Variants in PM20D1 observed in about 807,000 individuals in gnomAD.
The protein encoded by PM20D1 is N-fatty-acyl-amino acid synthase/hydrolase PM20D1.
In PM20D1, 53 loss-of-function variants were observed where a neutral mutation model predicts 53.8. The observed-to-expected ratio is 0.98, with a 90% CI of 0.79 to 1.24. The LOEUF (loss-of-function observed/expected upper bound fraction) is 1.24, where lower values mean the gene tolerates loss of function less well. Ranked by LOEUF, PM20D1 falls within the 50% of genes most tolerant of loss-of-function variation. The pLI is 0.00. For missense variants in PM20D1, 564 were observed against 616.8 expected, an observed-to-expected ratio of 0.91 and a Z score of 0.91; for synonymous variants, 239 against 241.3, an observed-to-expected ratio of 0.99 and a Z score of 0.09.
intron 10 of PM20D1, among the ~76,000 whole-genome samples, chr1:205,833,353 A>T (rs1250367770): frequency 6.6e-6 from 1 of 152,166 alleles, no homozygotes; most frequent in African/African-American, 2.4e-5. Context: ...GAGGCTGGGG[A>T]ATAGATGTGA....
chr1:205,843,609 A>G (rs897727351), intron 6 of PM20D1, 58 bp downstream of exon 6: 24 of 1,561,830 alleles, frequency 1.5e-5, no homozygotes, highest in African/African-American at 1.5e-4. Flanking sequence ...TTAAAGTGGG[A>G]AAGTGCCAGG....
chr1:205,842,314 C>CT (rs1450295636), intron 7 of PM20D1, 99 bp from the exon 8 acceptor site: 2 of 1,114,782 alleles, frequency 1.8e-6, no homozygotes, highest in Non-Finnish European at 2.7e-6. Flanking sequence ...CTCAGGGGCC[C>CT]TTAGCAGTCA....
Position 205,828,084 on chromosome 1 carries a change from T to G in PM20D1, c.*536A>C, listed in dbSNP as rs966975568. On this transcript the variant is annotated 3_prime_UTR_variant, in exon 13 of 13. Transcript: ENST00000367136. ...TGACAATTATGGTAGTATCACAGTT[T>G]GGGTAAGTCCAGGTCCAGAAGTAGA... 1 of 152,996 alleles carries G rather than the reference T, an allele frequency of 6.5e-6. No individual in the cohort carries two copies. The highest frequency in any genetic ancestry group is 1.5e-5 in the Non-Finnish European group (1 of 68,700). The allele number at this position is 152,996 out of a possible 1,614,324, so 9.5% of individuals were successfully genotyped here.
chr1:205,839,843 G>A (rs1174254819), intron 10 of PM20D1, among the ~76,000 whole-genome samples: 2 of 150,020 alleles, frequency 1.3e-5, no homozygotes, highest in Admixed American at 6.6e-5. Flanking sequence ...CCCGGGAGGC[G>A]GAGGTTGTAG....
chr1:205,848,161 G>A (rs1228358927), intron 1 of PM20D1, among the ~76,000 whole-genome samples, 190 bp from the exon 2 acceptor site: 3 of 152,194 alleles, frequency 2.0e-5, no homozygotes, highest in Non-Finnish European at 4.4e-5. Flanking sequence ...GGTTAGGTGA[G>A]CTGTCTGAGC....
At chr1:205,838,931 A>G (rs1160370430) in intron 10 of PM20D1, among the ~76,000 whole-genome samples, 1 of 152,212 alleles carries the variant, frequency 6.6e-6, no homozygotes, top group Non-Finnish European at 1.5e-5. Flanking sequence ...CCCCACGAGC[A>G]TGGCCTCAGT....
rs1656532005 is a variant in PM20D1, at chr1:205,830,357, GTC to G, written c.1306_1307del (p.Asp436GlnfsTer22). On this transcript the variant is annotated frameshift_variant, in exon 12 of 13. Transcript: ENST00000367136. LOFTEE classifies it high-confidence loss of function. ...TGGTGAGGTTTGTAAAGAATCGGCT[GTC>G]TGTGTTGCCAATAGAAGTAACTAGA... ...TAPVTSIGNT[D>X]SRFFTNLTTG... 1 of 1,611,790 alleles carries G rather than the reference GTC, an allele frequency of 6.2e-7. No individual in the cohort carries two copies.
Position 205,832,746 on chromosome 1 carries a change from G to C in PM20D1, c.1137C>G (p.Asn379Lys). The change falls in exon 11 of 13, where the codon AAC becomes AAG. Residue 379 changes from asparagine (N) to lysine (K), a missense_variant. Asn to Lys is a moderately conservative substitution (Grantham distance 94). Transcript: ENST00000367136. ...TVQEVLELTK[N>K]IVADNRVQFH... ...ACTGGACTCTGTTATCAGCCACAAT[G>C]TTCTTCGTGAGTTCTAGGACCTCCA... is the stretch of plus-strand genomic sequence containing the variant. 6.2e-7 allele frequency: 1 copy of C among 1,603,064 alleles called. No homozygotes were observed. The highest frequency in any genetic ancestry group is 8.5e-7 in the Non-Finnish European group (1 of 1,174,234).
At position 205,832,715 on chromosome 1, in the gene PM20D1, C is replaced by T; in HGVS notation, c.1168G>A (p.Val390Met). The change falls in exon 11 of 13, where the codon GTG becomes ATG. Residue 390 changes from valine (V) to methionine (M), a missense_variant. Val to Met is a conservative substitution (Grantham distance 21). Transcript: ENST00000367136. Reference sequence around the variant, plus strand: ...GGGAGGGGGTCAAAGGCACTCAACACATGGAACTGGACTCTGTTATCAGCC... The same window carrying T: ...GGGAGGGGGTCAAAGGCACTCAACATATGGAACTGGACTCTGTTATCAGCC... The part of the protein sequence containing the change: ...IVADNRVQFH[V>M]LSAFDPLPVS... 1 of 1,613,706 alleles carries T rather than the reference C, an allele frequency of 6.2e-7. No individual in the cohort carries two copies. Among genetic ancestry groups the T allele is most frequent in the Non-Finnish European group, 8.5e-7 (1 of 1,179,818 alleles).
At chr1:205,846,613 AT>A (rs538382604) in intron 2 of PM20D1, among the ~76,000 whole-genome samples, 88 of 152,268 alleles carry the variant, frequency 5.8e-4, no homozygotes, top group African/African-American at 2.1e-3. Context: ...GTTCAGAGAC[AT>A]TTTTCTTTTT....
chr1:205,843,719 A>C lies in PM20D1; in HGVS notation c.775T>G (p.Ser259Ala), dbSNP rs776728245. Residue 259 changes from serine (S) to alanine (A), a missense_variant, in exon 6 of 13, where the codon TCA (serine) becomes GCA (alanine). Ser to Ala is a moderately conservative substitution (Grantham distance 99, BLOSUM62 1). Coordinates refer to ENST00000367136, the MANE Select transcript of PM20D1 (RefSeq NM_152491.5). ...LQVNMTSGHSSAPPKETSIGI... is the reference protein window; with the variant it reads ...LQVNMTSGHSAAPPKETSIGI... Reference sequence around the variant, plus strand: ...ATGCTTGTCTCCTTTGGAGGAGCTGAAGAGTGGCCTGAAGTCATGTTTACT... The same window carrying C: ...ATGCTTGTCTCCTTTGGAGGAGCTGCAGAGTGGCCTGAAGTCATGTTTACT... The C allele has an allele frequency of 6.2e-6, 10 of 1,614,136 alleles. No individual in the cohort carries two copies. In the East Asian group the frequency reaches 2.2e-4, roughly 36 times the overall value.
intron 11 of PM20D1, among the ~76,000 whole-genome samples, chr1:205,831,268 G>A (rs1656552518): frequency 6.6e-6 from 1 of 152,176 alleles, no homozygotes; most frequent in Non-Finnish European, 1.5e-5. Flanking sequence ...TCCACTCCTG[G>A]TTTCAAATGG....
intron 5 of PM20D1, 23 bp from the exon 6 acceptor site, chr1:205,843,809 A>G (rs202086636): frequency 4.7e-5 from 76 of 1,608,320 alleles, no homozygotes; most frequent in Non-Finnish European, 6.3e-5. Flanking sequence ...ATCGGAAACC[A>G]CTCTCCTGAC....
chr1:205,832,840 TG>T, intron 10 of PM20D1, 74 bp from the exon 11 acceptor site: 1 of 1,454,100 alleles, frequency 6.9e-7, no homozygotes, highest in South Asian at 1.4e-5. Flanking sequence ...TTAAATATCC[TG>T]ATTTCTTTCC....
At chr1:205,830,896 AT>A (rs1656543526) in intron 11 of PM20D1, among the ~76,000 whole-genome samples, 1 of 152,068 alleles carries the variant, frequency 6.6e-6, no homozygotes, top group Non-Finnish European at 1.5e-5. Context: ...GCCATTTGCT[AT>A]TTAAGAAACC....
In PM20D1 at chr1:205,830,371, T is replaced by C. The variant is rs957291591; in HGVS notation, c.1294A>G (p.Ile432Val). The change falls in exon 12 of 13, where the codon ATT (isoleucine) becomes GTT (valine). Residue 432 changes from isoleucine (I) to valine (V), a missense_variant. Transcript: ENST00000367136. ...AAGAATCGGCTGTCTGTGTTGCCAA[T>C]AGAAGTAACTAGAGAGGGAAGATCA... ...EVNITAPVTS[I>V]GNTDSRFFTN... 7.5e-6 allele frequency: 12 copies of C among 1,602,034 alleles called. No homozygotes were observed. The highest frequency in any genetic ancestry group is 1.0e-5 in the Non-Finnish European group (12 of 1,169,068).
At position 205,832,605 on chromosome 1, in the gene PM20D1, A is replaced by G; in HGVS notation, c.1278T>C (p.Thr426=). 2 of 1,614,124 alleles carry G rather than the reference A, an allele frequency of 1.2e-6. No homozygotes were observed. Among genetic ancestry groups the G allele is most frequent in the South Asian group, 2.2e-5 (2 of 91,080 alleles). Residue 426 remains threonine, a synonymous_variant, in exon 11 of 13, where the codon ACT becomes ACC. Transcript: ENST00000367136. ...AGCTGATGAAGTCATTACCTGGGGC[A>G]GTAATATTGACTTCCGGGAAGACGG... ...VQSVFPEVNI[T]APVTSIGNTD...
intron 8 of PM20D1, 39 bp from the exon 9 acceptor site, chr1:205,841,928 C>T (rs903396391): frequency 4.6e-6 from 7 of 1,525,552 alleles, no homozygotes; most frequent in Non-Finnish European, 4.5e-6. Flanking sequence ...TAGAAAGAAC[C>T]AATGGGGTGA....
intron 10 of PM20D1, among the ~76,000 whole-genome samples, chr1:205,836,624 C>T (rs1656693040): frequency 6.6e-6 from 1 of 152,202 alleles, no homozygotes; most frequent in East Asian, 1.9e-4. Flanking sequence ...CCTCCTGCCT[C>T]AGCCTCCTGT....
Sources: allele counts gnomAD v4.1 joint callset (sites outside exome capture counted in the v4.1 genomes callset), GRCh38; gene constraint gnomAD v4.1.1; transcripts MANE v1.5; gene names NCBI Gene and HGNC (gene_info 2026-07-23, HGNC 2026-07-21).